Variants in YEATS4 observed in about 807,000 individuals in gnomAD.
YEATS4 encodes the protein YEATS domain-containing protein 4.
Under a neutral mutation model 30.1 loss-of-function variants are expected in YEATS4, and 17 were observed. That is an observed-to-expected ratio of 0.56 (90% CI 0.39 to 0.85). YEATS4 has a LOEUF of 0.85. Ranked by LOEUF, YEATS4 falls within the 40% of genes least tolerant of loss-of-function variation. The pLI, the probability that YEATS4 is intolerant of heterozygous loss-of-function variation, is 0.00. For missense variants in YEATS4, 142 were observed against 268.3 expected, an observed-to-expected ratio of 0.53 and a Z score of 3.29; for synonymous variants, 85 against 87.5, an observed-to-expected ratio of 0.97 and a Z score of 0.16.
downstream of YEATS4, among the ~76,000 whole-genome samples, chr12:69,393,147 G>T (rs1868328263): frequency 1.3e-5 from 2 of 152,084 alleles, no homozygotes; most frequent in African/African-American, 2.4e-5. Context: ...AAACTCTTGA[G>T]ATCAAAACCA....
At chr12:69,417,935 T>A in the YEATS4 span, among the ~76,000 whole-genome samples, 1 of 152,096 alleles carries the variant, frequency 6.6e-6, no homozygotes, top group Non-Finnish European at 1.5e-5. Context: ...GGGAAATCTT[T>A]TCTCACACAG....
intron 6 of YEATS4, among the ~76,000 whole-genome samples, chr12:69,380,455 C>T (rs547472183): frequency 5.3e-5 from 8 of 152,310 alleles, no homozygotes; most frequent in South Asian, 2.1e-4. Context: ...CCCAAACAAA[C>T]GGAGTTTCTG....
chr12:69,403,666 T>C, the YEATS4 span, among the ~76,000 whole-genome samples: 1 of 152,148 alleles, frequency 6.6e-6, no homozygotes, highest in Non-Finnish European at 1.5e-5. Context: ...TTTAATGTTA[T>C]GCAAAGCTTG....
At chr12:69,376,333 T>C (rs545263342) in intron 6 of YEATS4, among the ~76,000 whole-genome samples, 5 of 152,328 alleles carry the variant, frequency 3.3e-5, no homozygotes, top group Middle Eastern at 3.4e-3. Flanking sequence ...GTCACTGCAC[T>C]CCAGCCTAGG....
the YEATS4 span, among the ~76,000 whole-genome samples, chr12:69,408,232 G>C: frequency 1.3e-5 from 2 of 152,150 alleles, no homozygotes; most frequent in East Asian, 3.9e-4. Flanking sequence ...GAACTTACTA[G>C]TGACCCTTGA....
chr12:69,384,196 C>T lies in YEATS4; in HGVS notation c.515-5951C>T, dbSNP rs144269593. Among the ~76,000 whole-genome samples the T allele has an allele frequency of 4.9e-3, 744 of 152,256 alleles. 2 individuals carry two copies. Among genetic ancestry groups the T allele is most frequent in the African/African-American group, 0.017 (714 of 41,546 alleles). On this transcript the variant is annotated intron_variant, in intron 6 of 6. Transcript: ENST00000247843. ...TGAAAAGGTGAAAAGCACTACTGTGCTTCATTATTGATCACTCTCTTCTTT... is the reference window on the plus strand; with the variant it reads ...TGAAAAGGTGAAAAGCACTACTGTGTTTCATTATTGATCACTCTCTTCTTT...
intron 6 of YEATS4, among the ~76,000 whole-genome samples, chr12:69,376,132 C>G (rs1875864605): frequency 1.3e-5 from 2 of 152,124 alleles, no homozygotes; most frequent in Admixed American, 6.6e-5. Context: ...TTTGGGAGGC[C>G]AAGGCAGATG....
the YEATS4 span, among the ~76,000 whole-genome samples, chr12:69,414,253 TAC>T: frequency 5.3e-5 from 8 of 152,226 alleles, no homozygotes; most frequent in Non-Finnish European, 1.2e-4. Context: ...TTAAAAGAGA[TAC>T]AGTCTTGCTC....
chr12:69,374,777 T>A (rs1468551563), intron 6 of YEATS4, among the ~76,000 whole-genome samples: 2 of 152,104 alleles, frequency 1.3e-5, no homozygotes, highest in Admixed American at 6.5e-5. Flanking sequence ...TATGTCTACT[T>A]CTTTCTACAC....
the YEATS4 span, among the ~76,000 whole-genome samples, chr12:69,404,873 G>A: frequency 2.7e-3 from 404 of 152,232 alleles, 1 homozygote; most frequent in African/African-American, 9.2e-3. Context: ...AACCCAATCC[G>A]GATTAATCAG....
chr12:69,395,886 AT>A, the YEATS4 span, among the ~76,000 whole-genome samples: 2 of 152,212 alleles, frequency 1.3e-5, no homozygotes, highest in African/African-American at 4.8e-5. Flanking sequence ...TAATGTAAAA[AT>A]AGGCAGTTAA....
downstream of YEATS4, among the ~76,000 whole-genome samples, chr12:69,395,688 A>T (rs995601507): frequency 3.9e-5 from 6 of 152,226 alleles, no homozygotes; most frequent in African/African-American, 1.4e-4. Flanking sequence ...AGATGTCTTG[A>T]TTAACAGAAC....
chr12:69,379,119 C>T (rs997823789), intron 6 of YEATS4, among the ~76,000 whole-genome samples: 1 of 152,182 alleles, frequency 6.6e-6, no homozygotes, highest in African/African-American at 2.4e-5. Flanking sequence ...AGTCCACTAC[C>T]AGATGTATTA....
chr12:69,421,627 T>C, the YEATS4 span, among the ~76,000 whole-genome samples: 4 of 152,058 alleles, frequency 2.6e-5, no homozygotes, highest in African/African-American at 7.2e-5. Flanking sequence ...GACTAAGAAA[T>C]CACCAATGAC....
chr12:69,400,130 TA>T, the YEATS4 span, among the ~76,000 whole-genome samples: 886 of 144,112 alleles, frequency 6.1e-3, 7 homozygotes, highest in Middle Eastern at 0.025. Flanking sequence ...ATATCTCAAT[TA>T]AAAAAAAAAA....
At chr12:69,395,072 G>A (rs1180726201), downstream of YEATS4, among the ~76,000 whole-genome samples, 2 of 152,172 alleles carry the variant, frequency 1.3e-5, no homozygotes, top group Non-Finnish European at 2.9e-5. Context: ...AATGTTTTCA[G>A]AGGATAATTT....
chr12:69,426,240 C>G, the YEATS4 span, among the ~76,000 whole-genome samples: 1 of 152,146 alleles, frequency 6.6e-6, no homozygotes, highest in African/African-American at 2.4e-5. Flanking sequence ...GACCCTATCT[C>G]AAATAATAAT....
At chr12:69,362,941 TA>T (rs1875278111) in intron 2 of YEATS4, 34 bp downstream of exon 2, 1 of 1,495,608 alleles carries the variant, frequency 6.7e-7, no homozygotes, top group Non-Finnish European at 8.9e-7. Flanking sequence ...CTGTTTTACT[TA>T]AAGTTGTCTG....
intron 2 of YEATS4, among the ~76,000 whole-genome samples, chr12:69,363,548 T>C (rs1400593880): frequency 6.6e-6 from 1 of 152,238 alleles, no homozygotes; most frequent in South Asian, 2.1e-4. Context: ...AATAAGCAGC[T>C]AATCCTTAAA....
Sources: gnomAD v4.1 joint callset for allele counts (sites outside exome capture counted in the v4.1 genomes callset) on GRCh38, gnomAD v4.1.1 for gene constraint, MANE v1.5 for transcripts, NCBI Gene and HGNC (gene_info 2026-07-23, HGNC 2026-07-21) for gene names.